TPM4: variants seen among roughly 807,000 people sequenced by gnomAD.
TPM4 encodes tropomyosin 4, also known as tropomyosin alpha-4 chain.
Under a neutral mutation model 35.8 loss-of-function variants are expected in TPM4, and 17 were observed. The ratio of observed to expected loss-of-function variants is 0.47; its 90% CI spans 0.32 to 0.71. TPM4 has a LOEUF of 0.71. Among genes scored for constraint, TPM4 ranks in the 30% least tolerant of loss-of-function variants. The pLI is 0.03. For synonymous variants in TPM4, 120 were observed against 122.9 expected (o/e 0.98, Z 0.15); for missense variants, 240 against 320.9 (o/e 0.75, Z 1.93).
Position 16,087,988 on chromosome 19 carries a change from G to A in TPM4, c.385-39G>A, listed in dbSNP as rs771571055. ...CAGTGGATGGGAGAGGACACGGCTG[G>A]TGGGGATCGGGCTCAGCTGGGCCTT... On this transcript the variant is annotated intron_variant, in intron 3 of 7. Coordinates refer to ENST00000643579, the MANE Select transcript of TPM4 (RefSeq NM_003290.3). 6.9e-6 allele frequency: 11 copies of A among 1,588,922 alleles called. 1 individual carries two copies. The South Asian group carries it at 8.0e-5, about 12-fold the overall frequency.
intron 5 of TPM4, among the ~76,000 whole-genome samples, chr19:16,091,277 C>G (rs2090623303): frequency 6.6e-6 from 1 of 152,082 alleles, no homozygotes; most frequent in Admixed American, 6.5e-5. Flanking sequence ...GTCTCAAACT[C>G]CTGACCTCAA....
intron 5 of TPM4, 129 bp from the exon 6 acceptor site, chr19:16,093,407 G>A: frequency 3.2e-6 from 3 of 948,204 alleles, no homozygotes; most frequent in Non-Finnish European, 3.3e-6. Context: ...TGTTGGCCAG[G>A]CTGGTCTCGA....
At position 16,081,941 on chromosome 19, in the gene TPM4, G is replaced by A. The variant is rs777126031; in HGVS notation, c.161G>A (p.Arg54Gln). 6 of 1,604,566 alleles carry A rather than the reference G, an allele frequency of 3.7e-6. No homozygotes were observed. Among genetic ancestry groups the A allele is most frequent in the South Asian group, 1.1e-5 (1 of 90,794 alleles). The change falls in exon 2 of 8, where the codon CGA (arginine) becomes CAA (glutamine). Residue 54 changes from arginine (R) to glutamine (Q), a missense_variant. By Grantham distance (43) the Arg-to-Gln change is conservative. Transcript: ENST00000643579. ...KAEGDVAALN[R>Q]RIQLVEEELD... ...GAAGGTGATGTGGCCGCCCTCAACC[G>A]ACGCATCCAGCTCGTTGAGGAGGAG...
intron 1 of TPM4, among the ~76,000 whole-genome samples, chr19:16,080,593 G>T (rs1012470993): frequency 1.3e-5 from 2 of 152,132 alleles, no homozygotes; most frequent in Non-Finnish European, 2.9e-5. Context: ...GGTGGATCAC[G>T]TGAGGCCAGG....
intron 5 of TPM4, among the ~76,000 whole-genome samples, chr19:16,089,938 A>G (rs1407133167): frequency 6.6e-6 from 1 of 151,538 alleles, no homozygotes; most frequent in African/African-American, 2.4e-5. Context: ...AGCTTACTGC[A>G]GCCTTCGACT....
chr19:16,071,578 C>T (rs1418457941), upstream of TPM4, among the ~76,000 whole-genome samples: 1 of 152,198 alleles, frequency 6.6e-6, no homozygotes, highest in African/African-American at 2.4e-5. Flanking sequence ...CACGTGAGGC[C>T]TTCTGAAGTT....
chr19:16,085,115 T>G (rs1370314512), intron 2 of TPM4, among the ~76,000 whole-genome samples: 2 of 151,810 alleles, frequency 1.3e-5, no homozygotes, highest in Non-Finnish European at 2.9e-5. Context: ...TAGCCAGGCA[T>G]GGTAGTGCAT....
At chr19:16,082,492 CAA>C (rs920396520) in intron 2 of TPM4, among the ~76,000 whole-genome samples, 15 of 152,148 alleles carry the variant, frequency 9.9e-5, no homozygotes, top group African/African-American at 2.7e-4. Context: ...GCCTGGGCAA[CAA>C]GAGCAAAACT....
chr19:16,074,810 A>G (rs2090388058), upstream of TPM4: 1 of 152,332 alleles, frequency 6.6e-6, no homozygotes, highest in Non-Finnish European at 1.5e-5. Context: ...GTCAGATCCA[A>G]GCCAGGTGTG....
At chr19:16,101,041 C>G in intron 7 of TPM4, 1 of 357,874 alleles carries the variant, frequency 2.8e-6, no homozygotes, top group South Asian at 3.3e-5. Context: ...GGTGGTGGCA[C>G]GCGTCTGTAA....
At chr19:16,076,787 C>T in intron 1 of TPM4, 90 bp downstream of exon 1, 1 of 1,280,942 alleles carries the variant, frequency 7.8e-7, no homozygotes, top group Non-Finnish European at 9.9e-7. Flanking sequence ...CCCGCCCGCG[C>T]GCAGTCCTCG....
intron 1 of TPM4, chr19:16,080,821 A>T (rs1333913861): frequency 2.1e-5 from 8 of 381,660 alleles, no homozygotes; most frequent in Admixed American, 4.5e-5. Context: ...AAAAAAAATT[A>T]AAAAGAAAAT....
chr19:16,075,928 G>A, upstream of TPM4: 1 of 1,403,376 alleles, frequency 7.1e-7, no homozygotes. Context: ...TACAGATAAG[G>A]AAACTGATGC....
chr19:16,077,918 C>T (rs946619398), intron 1 of TPM4: 2 of 336,588 alleles, frequency 5.9e-6, no homozygotes, highest in Non-Finnish European at 1.1e-5. Flanking sequence ...CCCGCCACCA[C>T]GCCCAGCTAA....
intron 1 of TPM4, chr19:16,081,648 C>T (rs2090484488): frequency 4.1e-6 from 1 of 245,126 alleles, no homozygotes; most frequent in East Asian, 7.7e-5. Flanking sequence ...CCCACCTCAG[C>T]CTCCCAAAGT....
At chr19:16,095,478 A>G (rs1416024920) in intron 7 of TPM4, 2 of 1,023,082 alleles carry the variant, frequency 2.0e-6, no homozygotes, top group Non-Finnish European at 2.3e-6. Flanking sequence ...CTGTGACTCT[A>G]CAACCGAAAT....
chr19:16,081,065 G>A (rs565633317), intron 1 of TPM4: 25 of 398,476 alleles, frequency 6.3e-5, no homozygotes, highest in South Asian at 2.5e-4. Context: ...CCCCCGCCTC[G>A]TCCCACCTTG....
At chr19:16,086,264 C>A (rs1334928848) in intron 2 of TPM4, among the ~76,000 whole-genome samples, 159 bp from the exon 3 acceptor site, 1 of 146,810 alleles carries the variant, frequency 6.8e-6, no homozygotes, top group Non-Finnish European at 1.5e-5. Flanking sequence ...GCAGGAGAAT[C>A]GCTTGAACCC....
upstream of TPM4, among the ~76,000 whole-genome samples, chr19:16,073,382 G>A (rs975172411): frequency 6.6e-6 from 1 of 152,170 alleles, no homozygotes; most frequent in Non-Finnish European, 1.5e-5. Context: ...CCTATGAAAC[G>A]TCTTTAAGGA....
Sources: gnomAD v4.1 joint callset for allele counts (sites outside exome capture counted in the v4.1 genomes callset) on GRCh38, gnomAD v4.1.1 for gene constraint, MANE v1.5 for transcripts, NCBI Gene and HGNC (gene_info 2026-07-23, HGNC 2026-07-21) for gene names.